The following TRANK1 variants were observed in gnomAD, a reference collection of about 807,000 sequenced individuals.
TRANK1 encodes TPR and ankyrin repeat-containing protein 1.
TRANK1 carries 198 observed loss-of-function variants against 266.0 expected under a neutral mutation model. That is an observed-to-expected ratio of 0.74 (90% confidence interval 0.66 to 0.84). The LOEUF (loss-of-function observed/expected upper bound fraction) is 0.84. Ranked by LOEUF, TRANK1 falls within the 40% of genes least tolerant of loss-of-function variation. The pLI is 0.00. For synonymous variants in TRANK1, 1,396 were observed against 1,384.1 expected (o/e 1.01, Z -0.19); for missense variants, 3,326 against 3,634.6 (o/e 0.92, Z 2.18).
Position 36,944,798 on chromosome 3 carries a change from C to G in TRANK1, c.12G>C (p.Pro4=). MWD[P]RAARMDLTAY... ...GCGCCGCTACGCACCTAGCTGCCCG[C>G]GGGTCCCACATGGCTGCGGCCGGAG... is the stretch of plus-strand genomic sequence containing the variant. Residue 4 remains proline, a synonymous_variant, in exon 1 of 24, where the codon CCG becomes CCC. Coordinates refer to ENST00000645898, the MANE Select transcript of TRANK1 (RefSeq NM_001329998.2). The G allele has an allele frequency of 6.7e-7, 1 of 1,493,320 alleles. No homozygotes were observed. The highest frequency in any genetic ancestry group is 8.9e-7 in the Non-Finnish European group (1 of 1,128,538). 92.5% of individuals were successfully genotyped at this position (1,493,320 alleles called of 1,614,324 possible).
intron 2 of TRANK1, 43 bp downstream of exon 2, chr3:36,908,280 T>A (rs1326010557): frequency 8.1e-7 from 1 of 1,231,778 alleles, no homozygotes; most frequent in African/African-American, 1.6e-5. Context: ...CAGAGTCCCA[T>A]GTACTGAAAA....
At chr3:36,876,777 TG>T (rs1362808014) in intron 8 of TRANK1, among the ~76,000 whole-genome samples, 4 of 152,222 alleles carry the variant, frequency 2.6e-5, no homozygotes, top group Non-Finnish European at 4.4e-5. Context: ...AACCAAACTC[TG>T]GAGTCTTCAG....
intron 1 of TRANK1, among the ~76,000 whole-genome samples, chr3:36,923,524 A>G (rs542628296): frequency 2.7e-4 from 41 of 152,094 alleles, no homozygotes; most frequent in South Asian, 8.3e-4. Flanking sequence ...CCAAAGTGCT[A>G]GGATTACAGG....
chr3:36,879,851 A>AAC lies in TRANK1; in HGVS notation c.908-5556_908-5555insGT, dbSNP rs1559449022. Reference sequence around the variant, plus strand: ...ATATGTAAATATACAAATATATGTAAATATACAAATATATGTAAACATACA... The same window carrying AAC: ...ATATGTAAATATACAAATATATGTAAACATATACAAATATATGTAAACATACA... On this transcript the variant is annotated intron_variant, in intron 8 of 23. Transcript: ENST00000645898. Among the ~76,000 whole-genome samples the AAC allele has an allele frequency of 1.8e-4, 20 of 112,258 alleles. 4 individuals carry two copies. Among genetic ancestry groups the AAC allele is most frequent in the South Asian group, 5.3e-4 (2 of 3,780 alleles). 73.6% of individuals were successfully genotyped at this position (112,258 alleles called of 152,430 possible). A position where few individuals can be genotyped will look rare whatever the true frequency, so the allele number is the denominator to read the frequency against.
At chr3:36,926,905 T>G (rs1369911547) in intron 1 of TRANK1, among the ~76,000 whole-genome samples, 1 of 152,194 alleles carries the variant, frequency 6.6e-6, no homozygotes, top group Non-Finnish European at 1.5e-5. Context: ...AAAACCTTAT[T>G]TGTCAGGCCA....
At chr3:36,882,760 G>A (rs1020553199) in intron 8 of TRANK1, among the ~76,000 whole-genome samples, 2 of 152,128 alleles carry the variant, frequency 1.3e-5, no homozygotes, top group African/African-American at 2.4e-5. Context: ...GCTAATGAGC[G>A]AAGAATTCTT....
intron 8 of TRANK1, among the ~76,000 whole-genome samples, chr3:36,875,250 T>C (rs944893355): frequency 1.3e-5 from 2 of 152,130 alleles, no homozygotes; most frequent in Non-Finnish European, 2.9e-5. Flanking sequence ...ATCACATGAG[T>C]CCTAACAGTC....
In TRANK1 at chr3:36,832,341, A is replaced by G. The variant is rs1335442464; in HGVS notation, c.7242T>C (p.Ile2414=). The part of the protein sequence containing the change: ...LCFIRLLENC[I]DQFYVYRNPE... ...GGTTCCTGTACACGTAGAATTGATC[A>G]ATGCAATTCTCCAGAAGCCGGATGA... is the stretch of plus-strand genomic sequence containing the variant. Residue 2414 remains isoleucine (I), a synonymous_variant, in exon 22 of 24, where the codon ATT becomes ATC. Transcript: ENST00000645898. 2 of 1,613,980 alleles carry G rather than the reference A, an allele frequency of 1.2e-6. No individual in the cohort carries two copies. Among genetic ancestry groups the G allele is most frequent in the African/African-American group, 1.3e-5 (1 of 75,012 alleles).
At chr3:36,868,500 A>T (rs551680945) in intron 9 of TRANK1, among the ~76,000 whole-genome samples, 1 of 152,294 alleles carries the variant, frequency 6.6e-6, no homozygotes, top group South Asian at 2.1e-4. Context: ...TTTTGTCCAA[A>T]ATCTTTTTAT....
At chr3:36,918,733 A>C (rs1429652657) in intron 1 of TRANK1, among the ~76,000 whole-genome samples, 3 of 152,220 alleles carry the variant, frequency 2.0e-5, no homozygotes, top group African/African-American at 7.2e-5. Context: ...TTCTACTCCA[A>C]GTCTGACAGA....
intron 14 of TRANK1, 127 bp from the exon 15 acceptor site, chr3:36,851,983 G>T: frequency 7.1e-7 from 1 of 1,405,982 alleles, no homozygotes. Context: ...AGGCAGGCCA[G>T]GGGAAAGATT....
intron 12 of TRANK1, 65 bp from the exon 13 acceptor site, chr3:36,858,114 G>C: frequency 7.5e-7 from 1 of 1,331,880 alleles, no homozygotes; most frequent in Non-Finnish European, 1.0e-6. Flanking sequence ...GCAGACCCTG[G>C]GGTTTGAGAG....
chr3:36,851,354 G>T, intron 15 of TRANK1: 1 of 1,014,060 alleles, frequency 9.9e-7, no homozygotes, highest in Non-Finnish European at 1.2e-6. Context: ...TCACAGGGTG[G>T]ACATTGCTAA....
chr3:36,923,255 A>AT (rs2080241325), intron 1 of TRANK1, among the ~76,000 whole-genome samples: 1 of 58,044 alleles, frequency 1.7e-5, no homozygotes, highest in Non-Finnish European at 3.6e-5. Context: ...TGTCTTGGTA[A>AT]ATTTTTTTTT....
chr3:36,890,245 T>A (rs916606582), intron 7 of TRANK1, among the ~76,000 whole-genome samples: 15 of 152,140 alleles, frequency 9.9e-5, no homozygotes, highest in African/African-American at 3.6e-4. Context: ...GGGATTCTTA[T>A]ACATGTGACT....
At position 36,832,207 on chromosome 3, in the gene TRANK1, T is replaced by C. The variant is rs2078705643; in HGVS notation, c.7376A>G (p.Gln2459Arg). The change falls in exon 22 of 24, where the codon CAG becomes CGG. Residue 2459 changes from glutamine to arginine, a missense_variant. Physicochemically the swap from Gln to Arg is conservative, Grantham distance 43. Transcript: ENST00000645898. Reference sequence around the variant, plus strand: ...CAGCACCACCCCACAGTGGATGAACTGGAACTCCAGGAGGGCTACTGTGTT... The same window carrying C: ...CAGCACCACCCCACAGTGGATGAACCGGAACTCCAGGAGGGCTACTGTGTT... The part of the protein sequence containing the change: ...IGNTVALLEF[Q>R]FIHCGVVLAR... The C allele has an allele frequency of 1.2e-6, 2 of 1,613,864 alleles. No homozygotes were observed.
At chr3:36,915,186 C>T (rs1014170899) in intron 1 of TRANK1, among the ~76,000 whole-genome samples, 4 of 151,094 alleles carry the variant, frequency 2.6e-5, no homozygotes, top group South Asian at 2.1e-4. Flanking sequence ...CTCCTGACCT[C>T]GTGATCCACC....
chr3:36,833,849 A>T lies in TRANK1; in HGVS notation c.5734T>A (p.Leu1912Met), dbSNP rs769793563. 6.2e-7 allele frequency: 1 copy of T among 1,614,028 alleles called. No individual in the cohort carries two copies. The highest frequency in any genetic ancestry group is 1.7e-5 in the Admixed American group (1 of 60,026). Residue 1912 changes from leucine to methionine, a missense_variant, in exon 22 of 24, where the codon TTG (leucine) becomes ATG (methionine). Transcript: ENST00000645898. ...KLSYSASQFY[L>M]EAAAKYLSAN... Reference sequence around the variant, plus strand: ...CTCAGATACTTTGCTGCAGCTTCCAAGTAAAACTGACTGGCAGAATAGGAG... The same window carrying T: ...CTCAGATACTTTGCTGCAGCTTCCATGTAAAACTGACTGGCAGAATAGGAG...
intron 10 of TRANK1, among the ~76,000 whole-genome samples, chr3:36,863,716 G>A (rs2079174965): frequency 6.6e-6 from 1 of 152,212 alleles, no homozygotes. Context: ...GATCTGGTAT[G>A]TTGGAAACAA....
Sources: gnomAD v4.1 joint callset for allele counts (sites outside exome capture counted in the v4.1 genomes callset) on GRCh38, gnomAD v4.1.1 for gene constraint, MANE v1.5 for transcripts, NCBI Gene and HGNC (gene_info 2026-07-23, HGNC 2026-07-21) for gene names.